RAB8B: variants seen among roughly 807,000 people sequenced by gnomAD.
The protein encoded by RAB8B is RAB8B, member RAS oncogene family.
A neutral mutation model predicts 32.0 loss-of-function variants in RAB8B; 11 were observed. That is an observed-to-expected ratio of 0.34 (90% confidence interval 0.22 to 0.57). The LOEUF (loss-of-function observed/expected upper bound fraction) is 0.57, where lower values mean the gene tolerates loss of function less well. Among genes scored for constraint, RAB8B ranks in the 20% least tolerant of loss-of-function variants. The pLI, the probability that RAB8B is intolerant of heterozygous loss-of-function variation, is 0.86. For synonymous variants in RAB8B, 103 were observed against 89.6 expected, an observed-to-expected ratio of 1.15 and a Z score of -0.85; for missense variants, 190 against 258.5, an observed-to-expected ratio of 0.73 and a Z score of 1.82.
intron 5 of RAB8B, among the ~76,000 whole-genome samples, chr15:63,257,430 C>G (rs1214272341): frequency 1.3e-5 from 2 of 151,938 alleles, no homozygotes; most frequent in Non-Finnish European, 2.9e-5. Context: ...ATATACCCGG[C>G]TAATTTTTGT....
At chr15:63,233,064 T>TTTTTTTC (rs1344058248) in intron 1 of RAB8B, among the ~76,000 whole-genome samples, 1 of 150,470 alleles carries the variant, frequency 6.6e-6, no homozygotes, top group Admixed American at 6.6e-5. Flanking sequence ...TCTTTTTTTT[T>TTTTTTTC]TTCTTTTTTG....
At chr15:63,233,164 A>G (rs73441300) in intron 1 of RAB8B, among the ~76,000 whole-genome samples, 4,472 of 150,718 alleles carry the variant, frequency 0.03, 217 homozygotes, top group African/African-American at 0.1. Flanking sequence ...GCCTCAAGCT[A>G]TCCGCTCACT....
rs568897187 is a variant in RAB8B, at chr15:63,223,455, T to C, written c.125-21301T>C. On this transcript the variant is annotated intron_variant, in intron 1 of 7. Transcript: ENST00000321437. ...CCATGTTTTTACTGTACTTTTTCTA[T>C]GTTTAGATATGTTTAAACACACAAA... Among the ~76,000 whole-genome samples, 17 of 152,352 alleles carry C rather than the reference T, an allele frequency of 1.1e-4. No individual in the cohort carries two copies. The South Asian group carries it at 3.1e-3, about 28-fold the overall frequency.
At chr15:63,246,923 C>G (rs1414695959) in intron 2 of RAB8B, among the ~76,000 whole-genome samples, 18 of 152,194 alleles carry the variant, frequency 1.2e-4, no homozygotes, top group Non-Finnish European at 1.2e-4. Context: ...ATTTTAGTAT[C>G]TGTGTGCCAA....
chr15:63,262,642 CAT>C, intron 6 of RAB8B, 48 bp from the exon 7 acceptor site: 14 of 489,714 alleles, frequency 2.9e-5, no homozygotes, highest in South Asian at 3.8e-5. Flanking sequence ...TATATATATA[CAT>C]ATATATAGTG....
At chr15:63,229,254 A>T (rs909964330) in intron 1 of RAB8B, among the ~76,000 whole-genome samples, 3 of 152,226 alleles carry the variant, frequency 2.0e-5, no homozygotes, top group African/African-American at 7.2e-5. Flanking sequence ...CTAAGAGAAG[A>T]CATATCTTTT....
chr15:63,247,863 C>T (rs1370476758), intron 2 of RAB8B, among the ~76,000 whole-genome samples: 1 of 152,124 alleles, frequency 6.6e-6, no homozygotes, highest in African/African-American at 2.4e-5. Context: ...ACTCAACTGC[C>T]CTGGAACATA....
At chr15:63,209,417 C>G (rs961760628) in intron 1 of RAB8B, among the ~76,000 whole-genome samples, 7 of 151,636 alleles carry the variant, frequency 4.6e-5, no homozygotes, top group African/African-American at 1.7e-4. Flanking sequence ...ATGGTGAAAC[C>G]CTGTCTCTAC....
Position 63,243,109 on chromosome 15 carries a change from AC to A in RAB8B, c.125-1646del, listed in dbSNP as rs148204255. On this transcript the variant is annotated intron_variant, in intron 1 of 7. Coordinates refer to ENST00000321437, the MANE Select transcript of RAB8B (RefSeq NM_016530.3). ...TAGGAGTGCACAACCTAGATCCCCCACATGGGCAGTTCACAATAGGGTTTGA... is the reference window on the plus strand; with the variant it reads ...TAGGAGTGCACAACCTAGATCCCCCAATGGGCAGTTCACAATAGGGTTTGA... Among the ~76,000 whole-genome samples the A allele has an allele frequency of 5.4e-3, 815 of 152,334 alleles. 9 individuals carry two copies. The highest frequency in any genetic ancestry group is 0.018 in the African/African-American group (757 of 41,564).
intron 1 of RAB8B, among the ~76,000 whole-genome samples, chr15:63,191,458 A>C (rs1274976432): frequency 6.6e-6 from 1 of 152,220 alleles, no homozygotes; most frequent in African/African-American, 2.4e-5. Flanking sequence ...AGTTCTTGGC[A>C]GTCAGTCTTG....
At position 63,202,693 on chromosome 15, in the gene RAB8B, G is replaced by A. The variant is rs182896291; in HGVS notation, c.124+12945G>A. 3.3e-5 allele frequency among the ~76,000 whole-genome samples: 5 copies of A among 152,270 alleles called. No individual in the cohort carries two copies. The East Asian group carries it at 9.6e-4, about 29-fold the overall frequency. On this transcript the variant is annotated intron_variant, in intron 1 of 7. Transcript: ENST00000321437. ...CCTTAATTGTGAGCTTCCTTCCTTT[G>A]GCAATTTAAGTTTAAACTTCATGTC...
chr15:63,256,663 T>C, intron 5 of RAB8B, 69 bp downstream of exon 5: 2 of 1,156,386 alleles, frequency 1.7e-6, no homozygotes, highest in Non-Finnish European at 1.2e-6. Context: ...TTCATATTAT[T>C]TAATTATTGA....
intron 1 of RAB8B, among the ~76,000 whole-genome samples, chr15:63,201,636 G>GGA (rs2037651455): frequency 6.6e-6 from 1 of 152,126 alleles, no homozygotes; most frequent in African/African-American, 2.4e-5. Context: ...AACATCATTT[G>GGA]CCCATTCCCT....
At chr15:63,212,768 G>A (rs2037758964) in intron 1 of RAB8B, among the ~76,000 whole-genome samples, 1 of 152,152 alleles carries the variant, frequency 6.6e-6, no homozygotes, top group African/African-American at 2.4e-5. Context: ...TGAATAGAAA[G>A]ACACTAGAAC....
chr15:63,209,977 G>A (rs533627600), intron 1 of RAB8B, among the ~76,000 whole-genome samples: 13 of 151,764 alleles, frequency 8.6e-5, no homozygotes, highest in Admixed American at 5.3e-4. Flanking sequence ...TTGAACTCCC[G>A]CTTATGAGAG....
intron 1 of RAB8B, among the ~76,000 whole-genome samples, chr15:63,207,275 C>T (rs1228570624): frequency 6.6e-6 from 1 of 152,150 alleles, no homozygotes; most frequent in East Asian, 1.9e-4. Flanking sequence ...ATCCCTAGCT[C>T]CTAGCGCAGT....
At position 63,221,392 on chromosome 15, in the gene RAB8B, T is replaced by C. The variant is rs913075408; in HGVS notation, c.125-23364T>C. 7.9e-5 allele frequency among the ~76,000 whole-genome samples: 12 copies of C among 152,208 alleles called. 1 individual carries two copies. Among genetic ancestry groups the C allele is most frequent in the Admixed American group, 4.6e-4 (7 of 15,290 alleles). ...ATACTGTATGTATTATGATGGAAGC[T>C]AGTACTGTGCTAGAAGTATTATAAG... On this transcript the variant is annotated intron_variant, in intron 1 of 7. Transcript: ENST00000321437.
In RAB8B at chr15:63,245,467, G is replaced by T. The variant is rs557680707; in HGVS notation, c.185+651G>T. Among the ~76,000 whole-genome samples the T allele has an allele frequency of 1.9e-4, 29 of 152,240 alleles. 1 individual carries two copies. The East Asian group carries it at 5.6e-3, about 29-fold the overall frequency. The stretch of plus-strand genomic sequence containing the variant: ...GTACTTCTGACACCAGATGTCAGGG[G>T]GTTCCCCCCACCACCACCAGGTAAT... On this transcript the variant is annotated intron_variant, in intron 2 of 7. Transcript: ENST00000321437.
In RAB8B at chr15:63,201,942, G is replaced by A. The variant is rs957360995; in HGVS notation, c.124+12194G>A. 1.1e-3 allele frequency among the ~76,000 whole-genome samples: 161 copies of A among 152,072 alleles called. 1 individual carries two copies. Among genetic ancestry groups the A allele is most frequent in the African/African-American group, 3.8e-3 (157 of 41,482 alleles). On this transcript the variant is annotated intron_variant, in intron 1 of 7. Transcript: ENST00000321437. ...TGTTGGGCACTTACCCATAGGACCA[G>A]CCCCTTTCAGTGGTCTATAATAACT...
Sources: allele counts gnomAD v4.1 joint callset (sites outside exome capture counted in the v4.1 genomes callset), GRCh38; gene constraint gnomAD v4.1.1; transcripts MANE v1.5; gene names NCBI Gene and HGNC (gene_info 2026-07-23, HGNC 2026-07-21).